CAMSAP2: variants seen among roughly 807,000 people sequenced by gnomAD.
CAMSAP2 encodes the protein calmodulin regulated spectrin associated protein family member 2.
CAMSAP2 carries 26 observed loss-of-function variants against 146.1 expected under a neutral mutation model. The observed-to-expected ratio is 0.18, with a 90% CI of 0.13 to 0.25. The LOEUF (loss-of-function observed/expected upper bound fraction) is 0.25. Among genes scored for constraint, CAMSAP2 ranks in the 10% least tolerant of loss-of-function variants. The pLI, the probability that CAMSAP2 is intolerant of heterozygous loss-of-function variation, is 1.00. For synonymous variants in CAMSAP2, 499 were observed against 596.6 expected (o/e 0.84, Z 2.38); for missense variants, 1,381 against 1,759.3 (o/e 0.78, Z 3.85).
chr1:200,828,434 CAT>C (rs1666957887), intron 4 of CAMSAP2: 1 of 735,794 alleles, frequency 1.4e-6, no homozygotes, highest in Non-Finnish European at 2.2e-6. Flanking sequence ...TATTTATTAA[CAT>C]ATGAAATGTT....
In CAMSAP2 at chr1:200,857,354, T is replaced by C; in HGVS notation, c.4061T>C (p.Ile1354Thr). 6.2e-7 allele frequency: 1 copy of C among 1,613,752 alleles called. No individual in the cohort carries two copies. Among genetic ancestry groups the C allele is most frequent in the Admixed American group, 1.7e-5 (1 of 59,960 alleles). Reference protein sequence around the residue: ...EPSAKSNKHIIQNALAHCCLA... With the variant: ...EPSAKSNKHITQNALAHCCLA... ...AGTGCAAAATCCAATAAGCACATAA[T>C]ACAAAATGCTTTAGCTCATTGCTGT... The change falls in exon 16 of 17, where the codon ATA becomes ACA. Residue 1354 changes from isoleucine to threonine, a missense_variant. Physicochemically the swap from Ile to Thr is moderately conservative, Grantham distance 89 (BLOSUM62 -1). Coordinates refer to ENST00000358823, the MANE Select transcript of CAMSAP2 (RefSeq NM_203459.4). The surrounding 1 kb of genome is among the most constrained non-coding windows in gnomAD (Gnocchi z 4.7).
chr1:200,782,839 A>G (rs571627283), intron 2 of CAMSAP2, among the ~76,000 whole-genome samples: 7 of 119,950 alleles, frequency 5.8e-5, no homozygotes, highest in East Asian at 2.4e-4. Context: ...CATCCAGGCT[A>G]GAGTACAGTG....
intron 4 of CAMSAP2, among the ~76,000 whole-genome samples, chr1:200,819,168 T>G (rs1666683774): frequency 6.6e-6 from 1 of 152,224 alleles, no homozygotes; most frequent in Admixed American, 6.5e-5. Flanking sequence ...CCTCCAGTGA[T>G]GTATTTCTGA....
In CAMSAP2 at chr1:200,832,113, C is replaced by T. The variant is rs769825455; in HGVS notation, c.646-87C>T. The T allele has an allele frequency of 6.5e-5, 65 of 1,003,178 alleles. No individual in the cohort carries two copies. Among genetic ancestry groups the T allele is most frequent in the Non-Finnish European group, 7.5e-5 (52 of 697,346 alleles). 62.1% of individuals were successfully genotyped at this position (1,003,178 alleles called of 1,614,324 possible). On this transcript the variant is annotated intron_variant, in intron 4 of 16. Transcript: ENST00000358823. This position sits in a 1 kb window ranked among gnomAD's most constrained non-coding sequence, Gnocchi z 4.2. ...TCATTTCTCATGATTTATTTTATTA[C>T]TGGTACATTAGAATTTACAGTACTG...
rs546929279 is a variant in CAMSAP2 at position 200,739,709 on chromosome 1, G to A, written c.-119G>A. The stretch of plus-strand genomic sequence containing the variant: ...CTTCTCCTCCGTCGGCGCCCGGGCG[G>A]ACATCGCCCGGGCCCCGATGGTTTG... On this transcript the variant is annotated 5_prime_UTR_variant, in exon 1 of 17. Coordinates refer to ENST00000358823, the MANE Select transcript of CAMSAP2 (RefSeq NM_203459.4). The surrounding 1 kb of genome is among the most constrained non-coding windows in gnomAD (Gnocchi z 4.8). 4 of 979,494 alleles carry A rather than the reference G, an allele frequency of 4.1e-6. No individual in the cohort carries two copies. The highest frequency in any genetic ancestry group is 5.5e-6 in the Non-Finnish European group (4 of 730,870). The allele number at this position is 979,494 out of a possible 1,614,324, so 60.7% of individuals were successfully genotyped here. A position where few individuals can be genotyped will look rare whatever the true frequency, so the allele number is the denominator to read the frequency against.
chr1:200,779,154 G>T (rs570294847), intron 2 of CAMSAP2, among the ~76,000 whole-genome samples: 1 of 152,110 alleles, frequency 6.6e-6, no homozygotes, highest in Non-Finnish European at 1.5e-5. Flanking sequence ...TCTATACCAT[G>T]ATTTTTGAAG....
chr1:200,816,701 T>C (rs1231168690), intron 4 of CAMSAP2, among the ~76,000 whole-genome samples: 1 of 129,792 alleles, frequency 7.7e-6, no homozygotes, highest in Admixed American at 7.7e-5. Flanking sequence ...TGCACACATA[T>C]ATGTGTATAT....
chr1:200,748,490 T>C (rs1664405737), intron 1 of CAMSAP2, among the ~76,000 whole-genome samples: 1 of 152,222 alleles, frequency 6.6e-6, no homozygotes, highest in African/African-American at 2.4e-5. Flanking sequence ...GGCCATACTT[T>C]GTAATTCGTT....
chr1:200,826,904 C>G (rs754681994), intron 4 of CAMSAP2, among the ~76,000 whole-genome samples: 4 of 152,086 alleles, frequency 2.6e-5, no homozygotes, highest in Admixed American at 1.3e-4. Context: ...AAACCTTTGT[C>G]CTCGTGGTTA....
intron 4 of CAMSAP2, among the ~76,000 whole-genome samples, chr1:200,829,176 A>ATC (rs1016871675): frequency 3.3e-5 from 5 of 152,098 alleles, no homozygotes; most frequent in African/African-American, 9.7e-5. Context: ...AAAAACAAAA[A>ATC]TCTTACTATG....
At chr1:200,763,801 C>T (rs1419816675) in intron 2 of CAMSAP2, among the ~76,000 whole-genome samples, 2 of 151,644 alleles carry the variant, frequency 1.3e-5, no homozygotes, top group Admixed American at 6.6e-5. Context: ...TTTGGCTGGG[C>T]GTGGTGGCTC....
intron 2 of CAMSAP2, among the ~76,000 whole-genome samples, chr1:200,796,264 TG>T (rs1334747415): frequency 6.6e-6 from 1 of 152,208 alleles, no homozygotes; most frequent in African/African-American, 2.4e-5. Context: ...CAAAATTTTT[TG>T]TGTTAAAAAA....
intron 11 of CAMSAP2, among the ~76,000 whole-genome samples, chr1:200,851,704 T>C (rs544484457): frequency 1.3e-5 from 2 of 152,308 alleles, no homozygotes; most frequent in South Asian, 4.1e-4. Flanking sequence ...TTTAGGCTCC[T>C]TGACCTGAGG....
chr1:200,858,150 C>T lies in CAMSAP2; in HGVS notation c.*91C>T. The T allele has an allele frequency of 2.6e-6, 3 of 1,154,454 alleles. No individual in the cohort carries two copies. The South Asian group carries it at 5.0e-5, about 19-fold the overall frequency. 71.5% of individuals were successfully genotyped at this position (1,154,454 alleles called of 1,614,324 possible). A position where few individuals can be genotyped will look rare whatever the true frequency, so the allele number is the denominator to read the frequency against. ...AAAATCTTTCTAATTGCCAACAAGA[C>T]TTTTATTAATTAAAACTGGACATTA... On this transcript the variant is annotated 3_prime_UTR_variant, in exon 17 of 17. Coordinates refer to ENST00000358823, the MANE Select transcript of CAMSAP2 (RefSeq NM_203459.4).
At chr1:200,807,051 AAAG>A (rs1211269406) in intron 2 of CAMSAP2, among the ~76,000 whole-genome samples, 1 of 152,190 alleles carries the variant, frequency 6.6e-6, no homozygotes, top group Non-Finnish European at 1.5e-5. Flanking sequence ...AAAGACTGTC[AAAG>A]ATGGTTCTGA....
intron 1 of CAMSAP2, among the ~76,000 whole-genome samples, chr1:200,753,853 C>T (rs984213348): frequency 1.9e-4 from 29 of 152,284 alleles, no homozygotes; most frequent in African/African-American, 7.0e-4. Context: ...GCAGATGTGC[C>T]GTGTTGCCTC....
Position 200,848,144 on chromosome 1 carries a change from C to G in CAMSAP2, c.1375C>G (p.Leu459Val), listed in dbSNP as rs1366741090. Residue 459 changes from leucine (L) to valine (V), a missense_variant, in exon 11 of 17, where the codon CTG (leucine) becomes GTG (valine). Coordinates refer to ENST00000358823, the MANE Select transcript of CAMSAP2 (RefSeq NM_203459.4). ...TRSISNEGLT[L>V]NNSHVSKHIR... ...TTCTATTAGTAATGAAGGACTTACT[C>G]TGAACAACAGTCATGTATCTAAACA... The G allele has an allele frequency of 6.2e-7, 1 of 1,613,552 alleles. No individual in the cohort carries two copies. The highest frequency in any genetic ancestry group is 8.5e-7 in the Non-Finnish European group (1 of 1,179,684).
At chr1:200,847,534 A>G in intron 9 of CAMSAP2, 106 bp from the exon 10 acceptor site, 4 of 907,790 alleles carry the variant, frequency 4.4e-6, no homozygotes, top group Non-Finnish European at 7.1e-6. Context: ...TACCTATTTA[A>G]TTTGTATTGC....
At chr1:200,784,753 G>A (rs761349065) in intron 2 of CAMSAP2, among the ~76,000 whole-genome samples, 3 of 152,058 alleles carry the variant, frequency 2.0e-5, no homozygotes, top group Non-Finnish European at 4.4e-5. Context: ...GCTTCTTATT[G>A]CACTGCCAAA....
Sources: gnomAD v4.1 joint callset for allele counts (sites outside exome capture counted in the v4.1 genomes callset) on GRCh38, gnomAD v4.1.1 for gene constraint, Gnocchi (gnomAD v3.1) non-coding constraint, MANE v1.5 for transcripts, NCBI Gene and HGNC (gene_info 2026-07-23, HGNC 2026-07-21) for gene names.